Variants in C12orf54 observed in about 807,000 individuals in gnomAD.
C12orf54 encodes the protein uncharacterized protein C12orf54.
C12orf54 carries 24 observed loss-of-function variants against 26.4 expected under a neutral mutation model. That is an observed-to-expected ratio of 0.91 (90% CI 0.66 to 1.28). C12orf54 has a LOEUF of 1.28. Ranked by LOEUF, C12orf54 falls within the 50% of genes most tolerant of loss-of-function variation. The pLI, the probability that C12orf54 is intolerant of heterozygous loss-of-function variation, is 0.00. For missense variants in C12orf54, 154 were observed against 150.9 expected (o/e 1.02, Z -0.11); for synonymous variants, 54 against 47.0 (o/e 1.15, Z -0.61).
the C12orf54 span, among the ~76,000 whole-genome samples, chr12:48,459,609 G>A: frequency 2.0e-5 from 3 of 152,070 alleles, no homozygotes; most frequent in South Asian, 6.2e-4. Context: ...GTTGTGTCAG[G>A]GATTCCCAAG....
chr12:48,434,637 T>G, the C12orf54 span, among the ~76,000 whole-genome samples: 1 of 152,196 alleles, frequency 6.6e-6, no homozygotes, highest in Non-Finnish European at 1.5e-5. Flanking sequence ...CCGCTGCTGA[T>G]ACCCAGGCAA....
At chr12:48,432,033 G>T in the C12orf54 span, among the ~76,000 whole-genome samples, 36 of 152,204 alleles carry the variant, frequency 2.4e-4, no homozygotes, top group African/African-American at 8.4e-4. Context: ...AAAAATTATA[G>T]TATCTCACTT....
In C12orf54 at chr12:48,494,784, C is replaced by T; in HGVS notation, c.243-14C>T. 6.2e-7 allele frequency: 1 copy of T among 1,612,546 alleles called. No individual in the cohort carries two copies. The highest frequency in any genetic ancestry group is 8.5e-7 in the Non-Finnish European group (1 of 1,178,644). On this transcript the variant is annotated splice_polypyrimidine_tract_variant and intron_variant, in intron 7 of 8. Coordinates refer to ENST00000548364, the MANE Select transcript of C12orf54 (RefSeq NM_152319.4). ...CTTTCCCTCATGTCTACAACTTTCT[C>T]TATTTTGGCACAGAAGCATAAGGCC...
the C12orf54 span, among the ~76,000 whole-genome samples, chr12:48,433,731 G>A: frequency 6.6e-6 from 1 of 152,188 alleles, no homozygotes; most frequent in South Asian, 2.1e-4. Context: ...ACAGGTGTGA[G>A]CCACCGCACC....
chr12:48,440,680 G>T, the C12orf54 span, among the ~76,000 whole-genome samples: 1 of 152,184 alleles, frequency 6.6e-6, no homozygotes, highest in Admixed American at 6.5e-5. Context: ...GTTGGCCATT[G>T]GATGAATAGT....
intron 4 of C12orf54, chr12:48,487,709 A>G (rs7974213): frequency 0.34 from 69,329 of 202,238 alleles, 14,142 homozygotes; most frequent in Middle Eastern, 0.46. Context: ...TACCCCTTTG[A>G]CCATTTATCT....
At chr12:48,491,442 A>G (rs1250253081) in intron 6 of C12orf54, among the ~76,000 whole-genome samples, 1 of 152,158 alleles carries the variant, frequency 6.6e-6, no homozygotes, top group Non-Finnish European at 1.5e-5. Flanking sequence ...TCAATATATC[A>G]ATTTGGAGGT....
the C12orf54 span, among the ~76,000 whole-genome samples, chr12:48,419,875 A>G: frequency 6.6e-6 from 1 of 152,220 alleles, no homozygotes; most frequent in African/African-American, 2.4e-5. Flanking sequence ...TTTTGTCTAT[A>G]TAGGTGTCAG....
chr12:48,436,340 G>A, the C12orf54 span, among the ~76,000 whole-genome samples: 4 of 152,094 alleles, frequency 2.6e-5, no homozygotes, highest in Non-Finnish European at 5.9e-5. Flanking sequence ...GTCAACATTA[G>A]ACAGATCAAC....
chr12:48,456,215 G>A, the C12orf54 span, among the ~76,000 whole-genome samples: 3 of 152,306 alleles, frequency 2.0e-5, no homozygotes, highest in East Asian at 1.9e-4. Flanking sequence ...ATATAAAGAC[G>A]AGTAGGAGAG....
intron 2 of C12orf54, among the ~76,000 whole-genome samples, chr12:48,485,281 G>GGTTTTGTTTTGTTTT (rs111417930): frequency 1.3e-5 from 2 of 151,022 alleles, no homozygotes; most frequent in African/African-American, 4.9e-5. Context: ...GTTTGTTGTT[G>GGTTTTGTTTTGTTTT]GTTTTGTTTT....
chr12:48,431,161 G>T, the C12orf54 span, among the ~76,000 whole-genome samples: 1 of 152,040 alleles, frequency 6.6e-6, no homozygotes, highest in African/African-American at 2.4e-5. Context: ...GGGTGGTGGG[G>T]GAGGGATAAA....
At chr12:48,438,294 G>C in the C12orf54 span, among the ~76,000 whole-genome samples, 1 of 152,206 alleles carries the variant, frequency 6.6e-6, no homozygotes, top group African/African-American at 2.4e-5. Context: ...CTCATTGGTA[G>C]GAAGAATCAA....
At chr12:48,454,499 T>C in the C12orf54 span, among the ~76,000 whole-genome samples, 8 of 152,304 alleles carry the variant, frequency 5.3e-5, no homozygotes, top group South Asian at 1.2e-3. Context: ...TGCAGGCAGA[T>C]TAGAAAGGCC....
chr12:48,472,348 A>C, the C12orf54 span, among the ~76,000 whole-genome samples: 1 of 152,182 alleles, frequency 6.6e-6, no homozygotes, highest in Non-Finnish European at 1.5e-5. Flanking sequence ...TGAGATATAT[A>C]CTATGGCGTG....
Position 48,496,394 on chromosome 12 carries a change from T to C in C12orf54, c.*254T>C, listed in dbSNP as rs1937912428. The C allele has an allele frequency of 6.6e-6, 1 of 152,668 alleles. No homozygotes were observed. The highest frequency in any genetic ancestry group is 1.9e-4 in the East Asian group (1 of 5,198). 9.5% of individuals were successfully genotyped at this position (152,668 alleles called of 1,614,324 possible). ...TAAATGTGACGTAGAAGACTTGCCTTCCTGGTTCTTCCTGGGCTGTGGAAT... is the reference window on the plus strand; with the variant it reads ...TAAATGTGACGTAGAAGACTTGCCTCCCTGGTTCTTCCTGGGCTGTGGAAT... On this transcript the variant is annotated 3_prime_UTR_variant, in exon 9 of 9. Transcript: ENST00000548364.
chr12:48,454,436 G>C, the C12orf54 span, among the ~76,000 whole-genome samples: 1 of 152,052 alleles, frequency 6.6e-6, no homozygotes, highest in Non-Finnish European at 1.5e-5. Context: ...GATTGGACAG[G>C]CTGCATAGTC....
chr12:48,492,358 G>A (rs1019306957), intron 6 of C12orf54, among the ~76,000 whole-genome samples: 3 of 152,164 alleles, frequency 2.0e-5, no homozygotes, highest in Non-Finnish European at 2.9e-5. Flanking sequence ...TTCCTTGGAT[G>A]CTGATCCCTA....
At chr12:48,425,901 C>G in the C12orf54 span, among the ~76,000 whole-genome samples, 1 of 144,474 alleles carries the variant, frequency 6.9e-6, no homozygotes, top group Non-Finnish European at 1.5e-5. Context: ...CGGTTCATAT[C>G]TTTTGCTCAT....
Sources: gnomAD v4.1 joint callset for allele counts (sites outside exome capture counted in the v4.1 genomes callset) on GRCh38, gnomAD v4.1.1 for gene constraint, MANE v1.5 for transcripts, NCBI Gene and HGNC (gene_info 2026-07-23, HGNC 2026-07-21) for gene names.